ADAMTSL3: variants seen among roughly 807,000 people sequenced by gnomAD.
The protein encoded by ADAMTSL3 is ADAMTS-like protein 3.
Under a neutral mutation model 201.7 loss-of-function variants are expected in ADAMTSL3, and 128 were observed. That is an observed-to-expected ratio of 0.63 (90% CI 0.55 to 0.73). The LOEUF is 0.73. Ranked by LOEUF, ADAMTSL3 falls within the 30% of genes least tolerant of loss-of-function variation. ADAMTSL3 has a pLI of 0.00. For missense variants in ADAMTSL3, 1,990 were observed against 2,119.6 expected (o/e 0.94, Z 1.20); for synonymous variants, 738 against 748.4 (o/e 0.99, Z 0.23).
At chr15:83,738,027 A>G (rs2062394874) in intron 3 of ADAMTSL3, among the ~76,000 whole-genome samples, 1 of 152,216 alleles carries the variant, frequency 6.6e-6, no homozygotes, top group South Asian at 2.1e-4. Context: ...TATCTGTTCA[A>G]GTACTACAAG....
intron 15 of ADAMTSL3, among the ~76,000 whole-genome samples, chr15:83,900,894 C>G (rs1451114971): frequency 1.3e-5 from 2 of 152,288 alleles, no homozygotes; most frequent in South Asian, 2.1e-4. Context: ...GTTCATCATT[C>G]TTAGCCTTTT....
chr15:83,846,850 T>C (rs2141723737), intron 7 of ADAMTSL3, among the ~76,000 whole-genome samples: 1 of 152,266 alleles, frequency 6.6e-6, no homozygotes, highest in South Asian at 2.1e-4. Flanking sequence ...GGGCAGAAAA[T>C]GAGAGTTACA....
intron 17 of ADAMTSL3, among the ~76,000 whole-genome samples, chr15:83,936,694 C>A (rs1031118312): frequency 6.6e-6 from 1 of 150,910 alleles, no homozygotes; most frequent in African/African-American, 2.5e-5. Flanking sequence ...AGCTTCTGCA[C>A]AGCAAAAGAA....
intron 6 of ADAMTSL3, among the ~76,000 whole-genome samples, chr15:83,822,294 C>T (rs1420961068): frequency 2.1e-5 from 3 of 144,914 alleles, no homozygotes; most frequent in African/African-American, 7.8e-5. Flanking sequence ...GGCTGCCGGG[C>T]GGAGGGGCTC....
intron 2 of ADAMTSL3, among the ~76,000 whole-genome samples, chr15:83,679,992 T>C (rs1157602321): frequency 6.6e-6 from 1 of 152,210 alleles, no homozygotes; most frequent in East Asian, 1.9e-4. Context: ...GAGTGTCCAC[T>C]ACCATTTATT....
At chr15:83,773,083 CT>C (rs111465362) in intron 3 of ADAMTSL3, among the ~76,000 whole-genome samples, 1 of 151,626 alleles carries the variant, frequency 6.6e-6, no homozygotes, top group East Asian at 1.9e-4. Flanking sequence ...ATAAACCTGT[CT>C]TTTTTTTTCA....
chr15:83,969,184 G>A (rs983631858), intron 19 of ADAMTSL3, among the ~76,000 whole-genome samples: 42 of 152,200 alleles, frequency 2.8e-4, no homozygotes, highest in African/African-American at 8.9e-4. Flanking sequence ...GGCTTCTCAC[G>A]CCTATAATCC....
intron 4 of ADAMTSL3, among the ~76,000 whole-genome samples, chr15:83,799,422 C>A (rs537327535): frequency 1.2e-4 from 18 of 152,244 alleles, no homozygotes; most frequent in African/African-American, 3.9e-4. Context: ...GCCAGAATGT[C>A]CCTTTCTCTT....
intron 3 of ADAMTSL3, among the ~76,000 whole-genome samples, chr15:83,712,945 C>T (rs997602891): frequency 3.3e-5 from 5 of 152,186 alleles, no homozygotes. Flanking sequence ...CCTTCACCTC[C>T]TCCTATGCAT....
intron 3 of ADAMTSL3, chr15:83,740,005 G>A (rs72746910): frequency 0.17 from 67,777 of 399,842 alleles, 6,550 homozygotes; most frequent in South Asian, 0.27. Context: ...ACCCATGGCT[G>A]TTGACAGAGT....
intron 2 of ADAMTSL3, among the ~76,000 whole-genome samples, chr15:83,690,902 C>G (rs953392896): frequency 3.3e-5 from 5 of 152,180 alleles, no homozygotes; most frequent in African/African-American, 9.7e-5. Flanking sequence ...GAAACTGAAG[C>G]CTTGGGAGCA....
At chr15:83,921,269 C>T (rs1311368736) in intron 16 of ADAMTSL3, among the ~76,000 whole-genome samples, 2 of 152,152 alleles carry the variant, frequency 1.3e-5, no homozygotes, top group African/African-American at 2.4e-5. Flanking sequence ...TTGAAACTTA[C>T]TGCAGTTTCC....
At chr15:83,804,794 C>T in intron 5 of ADAMTSL3, 99 bp downstream of exon 5, 1 of 862,792 alleles carries the variant, frequency 1.2e-6, no homozygotes, top group Non-Finnish European at 1.7e-6. Flanking sequence ...TCTCTTAATA[C>T]CCTTTGTGGA....
intron 6 of ADAMTSL3, among the ~76,000 whole-genome samples, chr15:83,822,099 C>T (rs544858876): frequency 9.4e-5 from 14 of 148,300 alleles, no homozygotes; most frequent in African/African-American, 2.7e-4. Context: ...CCTCACCTCC[C>T]GGACGGGGCG....
At chr15:83,993,240 A>G (rs961311331) in intron 23 of ADAMTSL3, among the ~76,000 whole-genome samples, 2 of 152,220 alleles carry the variant, frequency 1.3e-5, no homozygotes, top group Non-Finnish European at 2.9e-5. Flanking sequence ...CAGTCTTGTC[A>G]CTAGCTAGTA....
At chr15:83,677,964 C>CTTTTTTTTT (rs2061429003) in intron 2 of ADAMTSL3, among the ~76,000 whole-genome samples, 1 of 150,826 alleles carries the variant, frequency 6.6e-6, no homozygotes, top group African/African-American at 2.4e-5. Context: ...CTGTCTCTCT[C>CTTTTTTTTT]TATTTCTCTC....
At chr15:83,970,851 C>G (rs2067183504) in intron 20 of ADAMTSL3, among the ~76,000 whole-genome samples, 1 of 152,210 alleles carries the variant, frequency 6.6e-6, no homozygotes, top group Non-Finnish European at 1.5e-5. Flanking sequence ...GCCCACTTAA[C>G]AAATGCATCT....
intron 2 of ADAMTSL3, among the ~76,000 whole-genome samples, chr15:83,703,317 T>C (rs1385490871): frequency 6.6e-6 from 1 of 152,168 alleles, no homozygotes; most frequent in East Asian, 1.9e-4. Flanking sequence ...TGAAATTAGT[T>C]AAGACTTTGG....
At chr15:83,851,705 A>C (rs1463582676) in intron 7 of ADAMTSL3, among the ~76,000 whole-genome samples, 1 of 152,230 alleles carries the variant, frequency 6.6e-6, no homozygotes, top group Non-Finnish European at 1.5e-5. Flanking sequence ...AAGAGATTAC[A>C]TGTGTTATCA....
Sources: allele counts gnomAD v4.1 joint callset (sites outside exome capture counted in the v4.1 genomes callset), GRCh38; gene constraint gnomAD v4.1.1; transcripts MANE v1.5; gene names NCBI Gene and HGNC (gene_info 2026-07-23, HGNC 2026-07-21).